Variants in SNX25 observed in about 807,000 individuals in gnomAD.
SNX25 encodes the protein sorting nexin 25, also known as sorting nexin-25.
SNX25 carries 62 observed loss-of-function variants against 113.7 expected under a neutral mutation model. That is an observed-to-expected ratio of 0.55 (90% CI 0.44 to 0.67). The LOEUF is 0.67. Ranked by LOEUF, SNX25 falls within the 30% of genes least tolerant of loss-of-function variation. SNX25 has a pLI of 0.00. For synonymous variants in SNX25, 421 were observed against 436.2 expected (o/e 0.97, Z 0.43); for missense variants, 1,014 against 1,161.0 (o/e 0.87, Z 1.84).
chr4:185,339,410 TA>T lies in SNX25; in HGVS notation c.1948del (p.Ile650Ter). ...IVSKLKDEII[L>X]IEKERTDLQL... is the part of the protein sequence containing the mutation. ...TCCAAGTTGAAGGATGAAATAATCC[TA>T]ATAGAGAAAGAACGCACAGACCTTC... On this transcript the variant is annotated frameshift_variant, in exon 11 of 19. Transcript: ENST00000652585. LOFTEE classifies it high-confidence loss of function. 1.9e-6 allele frequency: 3 copies of T among 1,614,098 alleles called. No individual in the cohort carries two copies. The highest frequency in any genetic ancestry group is 2.5e-6 in the Non-Finnish European group (3 of 1,179,980).
chr4:185,342,881 T>C (rs1427262305), intron 12 of SNX25, among the ~76,000 whole-genome samples: 1 of 152,074 alleles, frequency 6.6e-6, no homozygotes, highest in Non-Finnish European at 1.5e-5. Context: ...TATTTATTTA[T>C]CTATTTATTT....
chr4:185,329,579 G>T (rs1359862848), intron 9 of SNX25, among the ~76,000 whole-genome samples: 1 of 152,178 alleles, frequency 6.6e-6, no homozygotes. Context: ...GCCTGGGGAA[G>T]GCAGATTTTA....
rs1312248769 is a variant in SNX25 at position 185,342,100 on chromosome 4, A to G, written c.2171A>G (p.His724Arg). 3 of 1,601,218 alleles carry G rather than the reference A, an allele frequency of 1.9e-6. No homozygotes were observed. The highest frequency in any genetic ancestry group is 3.5e-5 in the Admixed American group (2 of 57,360). ...AGGCTCAGCGAGTTTCAGAATTTAC[A>G]CCGGAAACTCAGTGAGGTATGAATA... ...PRRLSEFQNLHRKLSECVPSL... is the reference protein window; with the variant it reads ...PRRLSEFQNLRRKLSECVPSL... The change falls in exon 12 of 19, where the codon CAC becomes CGC. Residue 724 changes from histidine to arginine, a missense_variant. His to Arg is a conservative substitution (Grantham distance 29). Coordinates refer to ENST00000652585, the MANE Select transcript of SNX25 (RefSeq NM_001378034.2).
At chr4:185,304,188 C>T (rs1045333394) in intron 6 of SNX25, among the ~76,000 whole-genome samples, 1 of 152,134 alleles carries the variant, frequency 6.6e-6, no homozygotes, top group Non-Finnish European at 1.5e-5. Context: ...CTCTGTCACC[C>T]AGGCTGGAAC....
At chr4:185,376,875 C>T in the SNX25 span, 2 of 1,475,410 alleles carry the variant, frequency 1.4e-6, no homozygotes, top group East Asian at 2.3e-5. Context: ...AACAGAATTA[C>T]AGGAAATGAA....
chr4:185,284,540 A>G (rs1251586461), intron 5 of SNX25, among the ~76,000 whole-genome samples: 1 of 152,176 alleles, frequency 6.6e-6, no homozygotes, highest in African/African-American at 2.4e-5. Flanking sequence ...AGAGGGCAAT[A>G]TAGAAACCAG....
intron 7 of SNX25, among the ~76,000 whole-genome samples, chr4:185,315,750 G>A (rs766909000): frequency 6.6e-6 from 1 of 152,138 alleles, no homozygotes; most frequent in Non-Finnish European, 1.5e-5. Context: ...TCAAAATGGT[G>A]TCTCTCATGA....
chr4:185,330,583 AC>A (rs2126703558), intron 9 of SNX25, among the ~76,000 whole-genome samples: 1 of 152,260 alleles, frequency 6.6e-6, no homozygotes, highest in East Asian at 1.9e-4. Context: ...ACTGTTAGTG[AC>A]CCCTATGAGT....
rs534881021 is a variant in SNX25 at position 185,223,637 on chromosome 4, C to T, written c.429+13382C>T. Among the ~76,000 whole-genome samples the T allele has an allele frequency of 1.4e-4, 22 of 151,922 alleles. No individual in the cohort carries two copies. The South Asian group carries it at 3.5e-3, about 24-fold the overall frequency. ...CTACTAAAAAATACAAAAAATTAGC[C>T]GGGCGTGGTGGCGGGCACCTGTAGT... On this transcript the variant is annotated intron_variant, in intron 1 of 18. Transcript: ENST00000652585.
At chr4:185,275,678 G>GT (rs1466475010) in intron 5 of SNX25, among the ~76,000 whole-genome samples, 2 of 152,128 alleles carry the variant, frequency 1.3e-5, no homozygotes, top group African/African-American at 4.8e-5. Context: ...AAAATACATT[G>GT]TGACTCATGA....
upstream of SNX25, among the ~76,000 whole-genome samples, chr4:185,205,883 A>AT (rs913282769): frequency 1.2e-4 from 18 of 152,210 alleles, no homozygotes; most frequent in African/African-American, 4.3e-4. Flanking sequence ...ACTTGAGTAG[A>AT]TATTTCTCCA....
At chr4:185,341,899 G>C in intron 11 of SNX25, 77 bp from the exon 12 acceptor site, 2 of 1,474,134 alleles carry the variant, frequency 1.4e-6, no homozygotes, top group African/African-American at 1.4e-5. Flanking sequence ...ATCTCCTTAG[G>C]GGGACACTTA....
chr4:185,213,666 G>A (rs905873565), intron 1 of SNX25, among the ~76,000 whole-genome samples: 1 of 152,248 alleles, frequency 6.6e-6, no homozygotes, highest in Non-Finnish European at 1.5e-5. Context: ...CTGAGCCTCA[G>A]ATTTACTAGC....
chr4:185,321,030 A>G (rs576158420), intron 8 of SNX25, among the ~76,000 whole-genome samples, 166 bp downstream of exon 8: 1 of 152,344 alleles, frequency 6.6e-6, no homozygotes, highest in Admixed American at 6.5e-5. Flanking sequence ...AAATTACATT[A>G]TATTTTTACA....
intron 7 of SNX25, among the ~76,000 whole-genome samples, chr4:185,313,125 A>T (rs997297453): frequency 6.6e-6 from 1 of 152,220 alleles, no homozygotes; most frequent in Non-Finnish European, 1.5e-5. Flanking sequence ...TCCTCCAATT[A>T]AAAGAAAGAT....
At chr4:185,324,548 T>C (rs1202817056) in intron 9 of SNX25, among the ~76,000 whole-genome samples, 2 of 151,946 alleles carry the variant, frequency 1.3e-5, no homozygotes, top group Admixed American at 6.6e-5. Context: ...GAGGGGAGGT[T>C]ATCTTGGGGC....
intron 1 of SNX25, among the ~76,000 whole-genome samples, chr4:185,228,632 C>G (rs927657905): frequency 4.6e-5 from 7 of 152,066 alleles, no homozygotes; most frequent in Non-Finnish European, 1.0e-4. Flanking sequence ...ACCTCTTGAC[C>G]TCAAGCAGTC....
chr4:185,261,114 CTGTGTGTGTG>C (rs369434936), intron 3 of SNX25, among the ~76,000 whole-genome samples: 2,035 of 141,742 alleles, frequency 0.014, 19 homozygotes, highest in African/African-American at 0.029. Context: ...CTGTCTGTCT[CTGTGTGTGTG>C]TGTGTGTGTG....
chr4:185,243,005 G>A (rs183943312), intron 1 of SNX25, among the ~76,000 whole-genome samples: 216 of 152,138 alleles, frequency 1.4e-3, no homozygotes, highest in Non-Finnish European at 2.0e-3. Context: ...GATGGGATAG[G>A]AAAAAAGAAC....
Sources: allele counts gnomAD v4.1 joint callset (sites outside exome capture counted in the v4.1 genomes callset), GRCh38; gene constraint gnomAD v4.1.1; transcripts MANE v1.5; gene names NCBI Gene and HGNC (gene_info 2026-07-23, HGNC 2026-07-21).